STYXL2: variants seen among roughly 807,000 people sequenced by gnomAD.
The protein encoded by STYXL2 is serine/threonine/tyrosine-interacting-like protein 2.
STYXL2 carries 44 observed loss-of-function variants against 52.4 expected under a neutral mutation model. The observed-to-expected ratio is 0.84, with a 90% CI of 0.66 to 1.08. STYXL2 has a LOEUF of 1.08. Ranked by LOEUF, STYXL2 falls within the 50% of genes least tolerant of loss-of-function variation. The pLI, the probability that STYXL2 is intolerant of heterozygous loss-of-function variation, is 0.00. For synonymous variants in STYXL2, 604 were observed against 586.9 expected (o/e 1.03, Z -0.42); for missense variants, 1,604 against 1,471.7 (o/e 1.09, Z -1.47).
chr1:167,114,768 T>C (rs1324599523), intron 3 of STYXL2, among the ~76,000 whole-genome samples: 1 of 152,150 alleles, frequency 6.6e-6, no homozygotes, highest in East Asian at 1.9e-4. Context: ...ATTTTTTTTC[T>C]TTTTCTTCCA....
chr1:167,128,236 G>A lies in STYXL2; in HGVS notation c.3105G>A (p.Glu1035=), dbSNP rs1400027380. 5.6e-6 allele frequency: 9 copies of A among 1,614,180 alleles called. No individual in the cohort carries two copies. In the East Asian group the frequency reaches 1.3e-4, roughly 24 times the overall value. The part of the protein sequence containing the change: ...TYNETSSSRE[E]SPEPYFFRRT... ...ACGAGACCTCAAGTTCCCGAGAGGAGAGCCCAGAGCCCTACTTCTTCCGCC... is the reference window on the plus strand; with the variant it reads ...ACGAGACCTCAAGTTCCCGAGAGGAAAGCCCAGAGCCCTACTTCTTCCGCC... The change falls in exon 6 of 6, where the codon GAG becomes GAA. Residue 1035 remains glutamate (E), a synonymous_variant. Coordinates refer to ENST00000361200, the MANE Select transcript of STYXL2 (RefSeq NM_001080426.3).
In STYXL2 at chr1:167,128,108, T is replaced by C. The variant is rs1458156604; in HGVS notation, c.2977T>C (p.Tyr993His). The C allele has an allele frequency of 1.9e-6, 3 of 1,614,100 alleles. No individual in the cohort carries two copies. Among genetic ancestry groups the C allele is most frequent in the African/African-American group, 2.7e-5 (2 of 74,928 alleles). Residue 993 changes from tyrosine (Y) to histidine (H), a missense_variant, in exon 6 of 6, where the codon TAC becomes CAC. By Grantham distance (83) the Tyr-to-His change is moderately conservative. Transcript: ENST00000361200. Reference protein sequence around the residue: ...SQSEEQDTSSYHEANGNSVRS... With the variant: ...SQSEEQDTSSHHEANGNSVRS... ...GTCAGAGGAACAGGACACCTCCTCC[T>C]ACCACGAGGCAAATGGCAACTCTGT...
In STYXL2 at chr1:167,128,775, G is replaced by C; in HGVS notation, c.*167G>C. The C allele has an allele frequency of 8.7e-7, 1 of 1,151,416 alleles. No individual in the cohort carries two copies. Among genetic ancestry groups the C allele is most frequent in the Non-Finnish European group, 1.2e-6 (1 of 845,648 alleles). The allele number at this position is 1,151,416 out of a possible 1,614,324, so 71.3% of individuals were successfully genotyped here. A position where few individuals can be genotyped will look rare whatever the true frequency, so the allele number is the denominator to read the frequency against. ...ATAAGGGCAGCAGAGGTGGAGTAGG[G>C]AGGAGGCAAGGAGGGGGAGAACCAT... On this transcript the variant is annotated 3_prime_UTR_variant, in exon 6 of 6. Transcript: ENST00000361200.
Position 167,119,363 on chromosome 1 carries a change from C to A in STYXL2, c.552C>A (p.Ile184=). Residue 184 remains isoleucine (I), a synonymous_variant, in exon 5 of 6, where the codon ATC becomes ATA. Coordinates refer to ENST00000361200, the MANE Select transcript of STYXL2 (RefSeq NM_001080426.3). ...CCGAATTCTACACTGGCCTGGAGAT[C>A]CAGTACCTGGGTGTAGAGGTGGATG... is the stretch of plus-strand genomic sequence containing the variant. The part of the protein sequence containing the change: ...TGPEFYTGLE[I]QYLGVEVDDF... 1 of 1,614,214 alleles carries A rather than the reference C, an allele frequency of 6.2e-7. No individual in the cohort carries two copies. Among genetic ancestry groups the A allele is most frequent in the Non-Finnish European group, 8.5e-7 (1 of 1,180,024 alleles).
At position 167,127,927 on chromosome 1, in the gene STYXL2, T is replaced by C. The variant is rs769484045; in HGVS notation, c.2796T>C (p.Asp932=). The change falls in exon 6 of 6, where the codon GAT becomes GAC. Residue 932 remains aspartate, a synonymous_variant. Coordinates refer to ENST00000361200, the MANE Select transcript of STYXL2 (RefSeq NM_001080426.3). ...ASGSRVGKEM[D]SSINKWLSGL... ...GCAGCAGAGTTGGCAAAGAGATGGA[T>C]AGCAGTATTAATAAGTGGCTCAGTG... is the stretch of plus-strand genomic sequence containing the variant. The C allele has an allele frequency of 2.5e-6, 4 of 1,614,086 alleles. No homozygotes were observed. The highest frequency in any genetic ancestry group is 1.6e-4 in the Middle Eastern group (1 of 6,062).
In STYXL2 at chr1:167,103,657, T is replaced by C. The variant is rs562567979; in HGVS notation, c.110+8698T>C. ...CTATGAGTCACTCTCTGGAAGAAAA[T>C]GGGCGGTTAGAGATTCATCCATCTC... On this transcript the variant is annotated intron_variant, in intron 2 of 5. Coordinates refer to ENST00000361200, the MANE Select transcript of STYXL2 (RefSeq NM_001080426.3). Among the ~76,000 whole-genome samples the C allele has an allele frequency of 1.8e-3, 267 of 152,170 alleles. 1 individual carries two copies. Among genetic ancestry groups the C allele is most frequent in the African/African-American group, 6.2e-3 (258 of 41,536 alleles).
chr1:167,127,795 C>T lies in STYXL2; in HGVS notation c.2664C>T (p.Asp888=), dbSNP rs1337669381. 8 of 1,613,880 alleles carry T rather than the reference C, an allele frequency of 5.0e-6. No individual in the cohort carries two copies. Among genetic ancestry groups the T allele is most frequent in the Admixed American group, 1.7e-5 (1 of 60,006 alleles). ...EDDGVGDGDE[D]TDSAIGSFRY... is the part of the protein sequence containing the mutation. Reference sequence around the variant, plus strand: ...ATGGTGTGGGTGATGGGGATGAGGACACTGACAGTGCCATAGGGAGCTTCC... The same window carrying T: ...ATGGTGTGGGTGATGGGGATGAGGATACTGACAGTGCCATAGGGAGCTTCC... Residue 888 remains aspartate (D), a synonymous_variant, in exon 6 of 6, where the codon GAC becomes GAT. Transcript: ENST00000361200.
chr1:167,101,757 C>T (rs1351595574), intron 2 of STYXL2, among the ~76,000 whole-genome samples: 1 of 150,522 alleles, frequency 6.6e-6, no homozygotes, highest in African/African-American at 2.5e-5. Context: ...ACCAAGATTG[C>T]ACCACTGCAC....
At chr1:167,118,702 C>G (rs1025712968) in intron 4 of STYXL2, among the ~76,000 whole-genome samples, 1 of 152,186 alleles carries the variant, frequency 6.6e-6, no homozygotes, top group Admixed American at 6.5e-5. Flanking sequence ...AACACTAGTT[C>G]TTGTTGTCTT....
At chr1:167,095,640 C>T (rs557793110) in intron 2 of STYXL2, among the ~76,000 whole-genome samples, 10 of 152,272 alleles carry the variant, frequency 6.6e-5, no homozygotes, top group South Asian at 4.1e-4. Flanking sequence ...AAAGAAATGT[C>T]GTGCTTAATT....
chr1:167,128,011 G>T lies in STYXL2; in HGVS notation c.2880G>T (p.Gly960=). The T allele has an allele frequency of 1.2e-6, 2 of 1,614,220 alleles. No individual in the cohort carries two copies. The highest frequency in any genetic ancestry group is 3.3e-4 in the Middle Eastern group (2 of 6,062). Residue 960 remains glycine, a synonymous_variant, in exon 6 of 6, where the codon GGG becomes GGT. Transcript: ENST00000361200. ...FQSDWSGSSR[G]KYTRSSLLRE... ...GTGACTGGTCTGGAAGTTCCAGAGG[G>T]AAGTACACCAGATCGTCCCTGCTCA...
rs1186133023 is a variant in STYXL2, at chr1:167,128,889, AT to A, written c.*284del. The A allele has an allele frequency of 4.8e-6, 2 of 415,358 alleles. No homozygotes were observed. The highest frequency in any genetic ancestry group is 9.7e-5 in the East Asian group (2 of 20,538). 25.7% of individuals were successfully genotyped at this position (415,358 alleles called of 1,614,324 possible). ...TAAGCTTTGGTGTTTCACTTAATGT[AT>A]TTGGCAGTGTTCATCACAGGCTAGA... On this transcript the variant is annotated 3_prime_UTR_variant, in exon 6 of 6. Coordinates refer to ENST00000361200, the MANE Select transcript of STYXL2 (RefSeq NM_001080426.3).
intron 2 of STYXL2, among the ~76,000 whole-genome samples, chr1:167,112,229 ACAT>A (rs889870919): frequency 1.3e-5 from 2 of 152,206 alleles, no homozygotes; most frequent in Admixed American, 1.3e-4. Context: ...TGATGATGCC[ACAT>A]CATGCTGTCC....
intron 2 of STYXL2, among the ~76,000 whole-genome samples, chr1:167,109,797 A>C (rs1447730057): frequency 2.0e-5 from 3 of 152,196 alleles, no homozygotes; most frequent in Non-Finnish European, 4.4e-5. Context: ...ATAAAAGAAC[A>C]ATGCTGCTCT....
chr1:167,095,627 G>A (rs965216794), intron 2 of STYXL2, among the ~76,000 whole-genome samples: 3 of 152,152 alleles, frequency 2.0e-5, no homozygotes, highest in African/African-American at 4.8e-5. Flanking sequence ...ACCACGAGAC[G>A]TTAAAGAAAT....
At chr1:167,099,932 A>G (rs1471148376) in intron 2 of STYXL2, among the ~76,000 whole-genome samples, 3 of 152,238 alleles carry the variant, frequency 2.0e-5, no homozygotes, top group Admixed American at 1.3e-4. Context: ...TATTTATTTT[A>G]AAAACTGCCT....
In STYXL2 at chr1:167,119,295, C is replaced by A. The variant is rs372292395; in HGVS notation, c.484C>A (p.His162Asn). 5 of 1,614,102 alleles carry A rather than the reference C, an allele frequency of 3.1e-6. No homozygotes were observed. The African/African-American group carries it at 4.0e-5, about 13-fold the overall frequency. The change falls in exon 5 of 6, where the codon CAC becomes AAC. Residue 162 changes from histidine (H) to asparagine (N), a missense_variant. Physicochemically the swap from His to Asn is moderately conservative, Grantham distance 68. Coordinates refer to ENST00000361200, the MANE Select transcript of STYXL2 (RefSeq NM_001080426.3). ...GAGGCTGAAGAGGCTGGGAATCACC[C>A]ACATTCTGAATGCTGCGCATGGCAC... ...KGRLKRLGIT[H>N]ILNAAHGTGV... is the part of the protein sequence containing the mutation.
intron 2 of STYXL2, among the ~76,000 whole-genome samples, chr1:167,107,491 G>C (rs916647163): frequency 6.6e-6 from 1 of 152,214 alleles, no homozygotes; most frequent in East Asian, 1.9e-4. Flanking sequence ...AGTAGGCATG[G>C]AGAGGACACA....
chr1:167,103,069 C>T (rs777106978), intron 2 of STYXL2, among the ~76,000 whole-genome samples: 2 of 148,114 alleles, frequency 1.4e-5, no homozygotes, highest in African/African-American at 4.9e-5. Flanking sequence ...GTCTCTTGCT[C>T]GTTTCTGTTG....
Sources: gnomAD v4.1 joint callset for allele counts (sites outside exome capture counted in the v4.1 genomes callset) on GRCh38, gnomAD v4.1.1 for gene constraint, MANE v1.5 for transcripts, NCBI Gene and HGNC (gene_info 2026-07-23, HGNC 2026-07-21) for gene names.